The following PDE4D variants were observed in gnomAD, a reference collection of about 807,000 sequenced individuals.
PDE4D encodes the protein phosphodiesterase 4D.
A neutral mutation model predicts 87.4 loss-of-function variants in PDE4D; 24 were observed. That is an observed-to-expected ratio of 0.27 (90% CI 0.20 to 0.39). PDE4D has a LOEUF of 0.39. Among genes scored for constraint, PDE4D ranks in the 10% least tolerant of loss-of-function variants. The pLI, the probability that PDE4D is intolerant of heterozygous loss-of-function variation, is 1.00. For missense variants in PDE4D, 714 were observed against 1,041.0 expected, an observed-to-expected ratio of 0.69 and a Z score of 4.32; for synonymous variants, 384 against 383.2, an observed-to-expected ratio of 1.00 and a Z score of -0.02.
chr5:60,433,891 A>C (rs760285504), intron 1 of PDE4D, among the ~76,000 whole-genome samples: 2 of 152,186 alleles, frequency 1.3e-5, no homozygotes, highest in Non-Finnish European at 2.9e-5. Flanking sequence ...GGACACAACG[A>C]AGAGAAGGAC....
chr5:59,403,655 C>A (rs1791092232), intron 1 of PDE4D, among the ~76,000 whole-genome samples: 1 of 152,150 alleles, frequency 6.6e-6, no homozygotes, highest in Admixed American at 6.5e-5. Context: ...CTTTCTATGG[C>A]CGAACAGTAC....
intron 1 of PDE4D, among the ~76,000 whole-genome samples, chr5:59,384,243 T>C (rs962287074): frequency 6.6e-6 from 1 of 152,082 alleles, no homozygotes; most frequent in Non-Finnish European, 1.5e-5. Flanking sequence ...ATGAGAGAAA[T>C]TGAGGCAACC....
intron 1 of PDE4D, among the ~76,000 whole-genome samples, chr5:59,485,735 C>T (rs888045520): frequency 3.9e-5 from 6 of 152,208 alleles, no homozygotes; most frequent in Non-Finnish European, 7.4e-5. Flanking sequence ...AGATTAGAGC[C>T]TACACTGTCA....
intron 2 of PDE4D, among the ~76,000 whole-genome samples, chr5:60,003,539 A>C (rs1159353303): frequency 1.3e-5 from 2 of 151,790 alleles, no homozygotes; most frequent in African/African-American, 4.8e-5. Flanking sequence ...GTGAAATCCT[A>C]TCTCTACTAA....
At chr5:60,023,105 G>A (rs1014307142) in intron 2 of PDE4D, among the ~76,000 whole-genome samples, 4 of 152,160 alleles carry the variant, frequency 2.6e-5, no homozygotes, top group African/African-American at 7.2e-5. Context: ...TTGTTTGTAC[G>A]ACCTCTCTGT....
intron 5 of PDE4D, among the ~76,000 whole-genome samples, chr5:59,054,231 G>A (rs896829602): frequency 4.6e-5 from 7 of 152,144 alleles, no homozygotes; most frequent in South Asian, 2.1e-4. Flanking sequence ...GATGACCACC[G>A]TCTTCTTCTG....
intron 2 of PDE4D, among the ~76,000 whole-genome samples, chr5:60,107,013 G>C (rs200665477): frequency 3.1e-4 from 44 of 140,112 alleles, no homozygotes; most frequent in Non-Finnish European, 5.0e-4. Flanking sequence ...AAAATCAGAG[G>C]AGAACTGAAG....
chr5:59,521,041 G>A (rs1297167950), intron 1 of PDE4D, among the ~76,000 whole-genome samples: 2 of 151,804 alleles, frequency 1.3e-5, no homozygotes, highest in African/African-American at 4.8e-5. Context: ...GAAGAGACAT[G>A]CATCATGAAG....
chr5:59,640,947 C>A (rs996347842), intron 1 of PDE4D, among the ~76,000 whole-genome samples: 6 of 151,516 alleles, frequency 4.0e-5, no homozygotes, highest in African/African-American at 1.5e-4. Context: ...TGTGTAGTCT[C>A]CAGTCAACTT....
At chr5:59,205,885 G>A (rs180816593) in intron 2 of PDE4D, among the ~76,000 whole-genome samples, 2 of 152,090 alleles carry the variant, frequency 1.3e-5, no homozygotes, top group African/African-American at 4.8e-5. Flanking sequence ...GACATTTATT[G>A]GGAGACAACA....
At chr5:60,231,239 C>T (rs1462325201) in intron 1 of PDE4D, among the ~76,000 whole-genome samples, 1 of 151,940 alleles carries the variant, frequency 6.6e-6, no homozygotes, top group Non-Finnish European at 1.5e-5. Flanking sequence ...CGACACTGTC[C>T]TAGCTATAGT....
At chr5:59,158,572 T>C (rs778167929) in intron 5 of PDE4D, among the ~76,000 whole-genome samples, 1 of 152,242 alleles carries the variant, frequency 6.6e-6, no homozygotes, top group East Asian at 1.9e-4. Context: ...ATTCACACAT[T>C]GCCTTGGTAT....
chr5:59,252,285 C>T (rs153647), intron 1 of PDE4D, among the ~76,000 whole-genome samples: 5 of 152,212 alleles, frequency 3.3e-5, no homozygotes, highest in South Asian at 2.1e-4. Flanking sequence ...AGTTGTACTA[C>T]GTTCCCCATA....
intron 1 of PDE4D, among the ~76,000 whole-genome samples, chr5:59,337,336 C>A (rs1425691156): frequency 4.5e-5 from 6 of 133,576 alleles, no homozygotes; most frequent in African/African-American, 9.3e-5. Flanking sequence ...CCCCCCCCCA[C>A]CTTTTTTTTT....
At chr5:60,031,439 A>G (rs2152859980) in intron 2 of PDE4D, among the ~76,000 whole-genome samples, 1 of 152,324 alleles carries the variant, frequency 6.6e-6, no homozygotes, top group African/African-American at 2.4e-5. Flanking sequence ...ACAAGGGCCA[A>G]AAAAATTGGT....
intron 2 of PDE4D, among the ~76,000 whole-genome samples, chr5:60,151,726 CT>C (rs1480296775): frequency 2.0e-5 from 3 of 152,128 alleles, no homozygotes; most frequent in African/African-American, 7.2e-5. Flanking sequence ...ATTTGGATGC[CT>C]TTGCTTCTTT....
At chr5:59,018,518 T>G (rs1410064461) in intron 6 of PDE4D, among the ~76,000 whole-genome samples, 2 of 152,142 alleles carry the variant, frequency 1.3e-5, no homozygotes, top group Non-Finnish European at 2.9e-5. Flanking sequence ...AGCTCAAGGA[T>G]TAAGATCCTT....
intron 5 of PDE4D, among the ~76,000 whole-genome samples, chr5:59,059,092 C>G (rs556119959): frequency 6.6e-6 from 1 of 152,142 alleles, no homozygotes. Context: ...GGCAATTCAG[C>G]GGGTTCCTTT....
chr5:59,145,428 A>G (rs1437012482), intron 5 of PDE4D, among the ~76,000 whole-genome samples: 1 of 152,206 alleles, frequency 6.6e-6, no homozygotes, highest in Non-Finnish European at 1.5e-5. Context: ...AGGTTATGAG[A>G]AAATAATCTT....
Sources: gnomAD v4.1 joint callset for allele counts (sites outside exome capture counted in the v4.1 genomes callset) on GRCh38, gnomAD v4.1.1 for gene constraint, MANE v1.5 for transcripts, NCBI Gene and HGNC (gene_info 2026-07-23, HGNC 2026-07-21) for gene names.